Variants in PECAM1 observed in about 807,000 individuals in gnomAD.
PECAM1 encodes platelet and endothelial cell adhesion molecule 1, also known as platelet endothelial cell adhesion molecule.
Under a neutral mutation model 13.8 loss-of-function variants are expected in PECAM1, and 8 were observed. The ratio of observed to expected loss-of-function variants is 0.58; its 90% CI spans 0.34 to 1.05. PECAM1 has a LOEUF of 1.05. PECAM1 is among the 50% of genes least tolerant of loss of function. PECAM1 has a pLI of 0.03. For synonymous variants in PECAM1, 136 were observed against 52.6 expected (o/e 2.58, Z -6.86); for missense variants, 304 against 141.2 (o/e 2.15, Z -5.84).
Position 64,356,227 on chromosome 17 carries a change from G to A in PECAM1, c.1664C>T (p.Ala555Val). Residue 555 changes from alanine (A) to valine (V), a missense_variant, in exon 8 of 16, where the codon GCA becomes GTA. Transcript: ENST00000563924. ...GCTAGCCTTCTGCTTGGTCCAAAAT[G>A]CCTGGGTGGCATTTGAGGTCATTTG... ...FYQMTSNATQAFWTKQKASKE... is the reference protein window; with the variant it reads ...FYQMTSNATQVFWTKQKASKE... 2.1e-6 allele frequency: 1 copy of A among 474,876 alleles called. No homozygotes were observed. The highest frequency in any genetic ancestry group is 3.9e-6 in the Non-Finnish European group (1 of 259,028). The allele number at this position is 474,876 out of a possible 1,614,324, so 29.4% of individuals were successfully genotyped here.
At chr17:64,369,386 G>A (rs2036187419) in intron 5 of PECAM1, among the ~76,000 whole-genome samples, 1 of 152,134 alleles carries the variant, frequency 6.6e-6, no homozygotes. Flanking sequence ...GTCTTACTCT[G>A]TACAAATCTC....
Position 64,321,381 on chromosome 17 carries a change from A to G in PECAM1, c.*2435T>C, listed in dbSNP as rs1196202537. ...CTGGATTCAGACAGACCTTTTAGCCATTAAATCCACTAAGAAAGATCCCTG... is the reference window on the plus strand; with the variant it reads ...CTGGATTCAGACAGACCTTTTAGCCGTTAAATCCACTAAGAAAGATCCCTG... On this transcript the variant is annotated 3_prime_UTR_variant, in exon 16 of 16. Coordinates refer to ENST00000563924, the MANE Select transcript of PECAM1 (RefSeq NM_000442.5). The G allele has an allele frequency of 1.0e-6, 1 of 967,998 alleles. No individual in the cohort carries two copies. Among genetic ancestry groups the G allele is most frequent in the African/African-American group, 1.8e-5 (1 of 57,032 alleles). The allele number at this position is 967,998 out of a possible 1,614,324, so 60.0% of individuals were successfully genotyped here. A position where few individuals can be genotyped will look rare whatever the true frequency, so the allele number is the denominator to read the frequency against.
Position 64,323,567 on chromosome 17 carries a change from C to T in PECAM1, c.*249G>A, listed in dbSNP as rs1393007304. The T allele has an allele frequency of 7.1e-7, 1 of 1,415,936 alleles. No individual in the cohort carries two copies. Among genetic ancestry groups the T allele is most frequent in the Non-Finnish European group, 9.2e-7 (1 of 1,088,430 alleles). 87.7% of individuals were successfully genotyped at this position (1,415,936 alleles called of 1,614,324 possible). On this transcript the variant is annotated 3_prime_UTR_variant, in exon 16 of 16. Coordinates refer to ENST00000563924, the MANE Select transcript of PECAM1 (RefSeq NM_000442.5). ...ATCTCCTCTTGTGCTCTTCCAATTT[C>T]CAAGGATGTTCCAACTTGGTGGAAG...
intron 7 of PECAM1, among the ~76,000 whole-genome samples, chr17:64,358,839 C>T (rs972595262): frequency 0.01 from 1,572 of 151,814 alleles, 29 homozygotes; most frequent in African/African-American, 0.036. Context: ...CTCCGTTGCC[C>T]AGGCTGGAGT....
chr17:64,338,145 C>G (rs2035331627), intron 14 of PECAM1, among the ~76,000 whole-genome samples: 1 of 151,952 alleles, frequency 6.6e-6, no homozygotes, highest in Admixed American at 6.6e-5. Context: ...AAGCGATCCT[C>G]CTGTCTCAGT....
At chr17:64,375,664 A>C (rs1256223609) in intron 3 of PECAM1, among the ~76,000 whole-genome samples, 1 of 151,864 alleles carries the variant, frequency 6.6e-6, no homozygotes, top group East Asian at 1.9e-4. Flanking sequence ...TACAAAAAAA[A>C]AAATTAAAAA....
chr17:64,373,526 CTGTGTGTG>C lies in PECAM1; in HGVS notation c.691+1517_691+1524del, dbSNP rs199493363. Among the ~76,000 whole-genome samples the C allele has an allele frequency of 3.2e-4, 48 of 149,020 alleles. 1 individual carries two copies. Among genetic ancestry groups the C allele is most frequent in the African/African-American group, 9.6e-4 (39 of 40,642 alleles). ...TTTGTAAAAACAAAAGATGTTTTTT[CTGTGTGTG>C]TGTGTGTGTGTGTGTGTGTGGCTGG... On this transcript the variant is annotated intron_variant, in intron 4 of 15. Transcript: ENST00000563924.
intron 9 of PECAM1, 93 bp downstream of exon 9, chr17:64,354,840 G>A (rs887573279): frequency 2.2e-5 from 10 of 454,032 alleles, no homozygotes; most frequent in Non-Finnish European, 4.0e-5. Flanking sequence ...TTTTTGCCTA[G>A]CTGAATCCAG....
chr17:64,367,293 T>C (rs1313777180), intron 5 of PECAM1, among the ~76,000 whole-genome samples: 2 of 152,122 alleles, frequency 1.3e-5, no homozygotes, highest in Admixed American at 1.3e-4. Context: ...GGCTCACACC[T>C]GTAATCCCAG....
chr17:64,323,747 A>G lies in PECAM1; in HGVS notation c.*69T>C. On this transcript the variant is annotated 3_prime_UTR_variant, in exon 16 of 16. Transcript: ENST00000563924. ...ATAAATAAGTGCACAGAGGTCTTGAAATACAGGGATTATCTGTTCTTCTCG... is the reference window on the plus strand; with the variant it reads ...ATAAATAAGTGCACAGAGGTCTTGAGATACAGGGATTATCTGTTCTTCTCG... The G allele has an allele frequency of 7.7e-7, 1 of 1,299,184 alleles. No individual in the cohort carries two copies. The highest frequency in any genetic ancestry group is 1.1e-6 in the Non-Finnish European group (1 of 894,730). The allele number at this position is 1,299,184 out of a possible 1,614,324, so 80.5% of individuals were successfully genotyped here.
intron 2 of PECAM1, among the ~76,000 whole-genome samples, chr17:64,386,592 G>A (rs1390824771): frequency 1.3e-5 from 2 of 152,044 alleles, no homozygotes; most frequent in Non-Finnish European, 2.9e-5. Flanking sequence ...AAACTTCCTG[G>A]ATTAGATTCC....
intron 14 of PECAM1, among the ~76,000 whole-genome samples, chr17:64,336,025 A>G (rs1305437488): frequency 6.6e-6 from 1 of 152,076 alleles, no homozygotes; most frequent in Non-Finnish European, 1.5e-5. Context: ...GCACTTTGGG[A>G]GGCCAAGGCA....
At chr17:64,383,514 T>C (rs34236624) in intron 2 of PECAM1, among the ~76,000 whole-genome samples, 2,413 of 152,320 alleles carry the variant, frequency 0.016, 30 homozygotes, top group Non-Finnish European at 0.027. Context: ...GGGGTTTTTC[T>C]GTGCCAAGCA....
Position 64,323,169 on chromosome 17 carries a change from G to T in PECAM1, c.*647C>A. ...ACAAAAACAGTTGAAGAACATCTGT[G>T]CTTGTTCCACCTTCATTTTCTGTTT... On this transcript the variant is annotated 3_prime_UTR_variant, in exon 16 of 16. Coordinates refer to ENST00000563924, the MANE Select transcript of PECAM1 (RefSeq NM_000442.5). 1 of 986,670 alleles carries T rather than the reference G, an allele frequency of 1.0e-6. No individual in the cohort carries two copies. Among genetic ancestry groups the T allele is most frequent in the East Asian group, 1.1e-4 (1 of 8,790 alleles). 61.1% of individuals were successfully genotyped at this position (986,670 alleles called of 1,614,324 possible). A position where few individuals can be genotyped will look rare whatever the true frequency, so the allele number is the denominator to read the frequency against.
Position 64,360,396 on chromosome 17 carries a change from C to T in PECAM1, c.1236G>A (p.Arg412=). 1 of 475,324 alleles carries T rather than the reference C, an allele frequency of 2.1e-6. No homozygotes were observed. Among genetic ancestry groups the T allele is most frequent in the Admixed American group, 3.2e-5 (1 of 31,726 alleles). 29.4% of individuals were successfully genotyped at this position (475,324 alleles called of 1,614,324 possible). The part of the protein sequence containing the change: ...IVVCEMLSQP[R]ISYDAQFEVI... ...CCTCAAACTGGGCATCATAAGAAAT[C>T]CTGGGCTGGGAGAGCATTTCTAGAA... The change falls in exon 7 of 16, where the codon AGG becomes AGA. Residue 412 remains arginine (R), a synonymous_variant. Coordinates refer to ENST00000563924, the MANE Select transcript of PECAM1 (RefSeq NM_000442.5).
intron 6 of PECAM1, among the ~76,000 whole-genome samples, chr17:64,362,770 T>C (rs1249783470): frequency 6.6e-6 from 1 of 151,898 alleles, no homozygotes; most frequent in Non-Finnish European, 1.5e-5. Context: ...GGAGATCACT[T>C]GAACCTAGGA....
At chr17:64,371,055 C>A (rs2036227030) in intron 4 of PECAM1, among the ~76,000 whole-genome samples, 1 of 152,100 alleles carries the variant, frequency 6.6e-6, no homozygotes. Flanking sequence ...TTCTGGGGAA[C>A]CTTAATAATA....
chr17:64,338,920 C>G, intron 14 of PECAM1, among the ~76,000 whole-genome samples: 1 of 152,292 alleles, frequency 6.6e-6, no homozygotes, highest in African/African-American at 2.4e-5. Flanking sequence ...ATTGATGTTT[C>G]TCCTGTGTGA....
chr17:64,375,268 C>T lies in PECAM1; in HGVS notation c.474G>A (p.Lys158=). Residue 158 remains lysine, a synonymous_variant, in exon 4 of 16, where the codon AAG becomes AAA. Transcript: ENST00000563924. The stretch of plus-strand genomic sequence containing the variant: ...TTTCAATTGTGAAGTGTATTGGGGC[C>T]TTTTCCTCTGGGACAGAACAGTTGA... The part of the protein sequence containing the change: ...VRVNCSVPEE[K]APIHFTIEKL... 1 of 475,326 alleles carries T rather than the reference C, an allele frequency of 2.1e-6. No individual in the cohort carries two copies. Among genetic ancestry groups the T allele is most frequent in the Admixed American group, 3.2e-5 (1 of 31,736 alleles). The allele number at this position is 475,326 out of a possible 1,614,324, so 29.4% of individuals were successfully genotyped here.
Sources: gnomAD v4.1 joint callset for allele counts (sites outside exome capture counted in the v4.1 genomes callset) on GRCh38, gnomAD v4.1.1 for gene constraint, MANE v1.5 for transcripts, NCBI Gene and HGNC (gene_info 2026-07-23, HGNC 2026-07-21) for gene names.